KIZ: variants seen among roughly 807,000 people sequenced by gnomAD.
KIZ encodes the protein centrosomal protein kizuna.
In KIZ, 68 loss-of-function variants were observed where a neutral mutation model predicts 79.6. That is an observed-to-expected ratio of 0.85 (90% CI 0.70 to 1.05). The LOEUF (loss-of-function observed/expected upper bound fraction) is 1.05, where lower values mean the gene tolerates loss of function less well. Among genes scored for constraint, KIZ ranks in the 50% least tolerant of loss-of-function variants. The probability of loss-of-function intolerance (pLI) is 0.00; values close to 1 mark genes in which losing one functional copy is unlikely to be tolerated. For synonymous variants in KIZ, 280 were observed against 281.8 expected (o/e 0.99, Z 0.06); for missense variants, 797 against 800.4 (o/e 1.00, Z 0.05).
In KIZ at chr20:21,162,369, G is replaced by C. The variant is rs772949553; in HGVS notation, c.904G>C (p.Glu302Gln). Residue 302 changes from glutamate to glutamine, a missense_variant, in exon 5 of 13, where the codon GAA becomes CAA. By Grantham distance (29) the Glu-to-Gln change is conservative. Coordinates refer to ENST00000619189, the MANE Select transcript of KIZ (RefSeq NM_018474.6). ...KCDSSSGSEG[E>Q]ILTREHIEVE... is the part of the protein sequence containing the mutation. Reference sequence around the variant, plus strand: ...TGACAGTTCCAGCGGATCAGAGGGAGAAATACTGACACGGGAACATATTGA... The same window carrying C: ...TGACAGTTCCAGCGGATCAGAGGGACAAATACTGACACGGGAACATATTGA... The C allele has an allele frequency of 6.2e-7, 1 of 1,613,944 alleles. No homozygotes were observed.
intron 8 of KIZ, 100 bp from the exon 9 acceptor site, chr20:21,215,483 C>CAAAAAAA: frequency 2.1e-6 from 1 of 475,938 alleles, no homozygotes; most frequent in African/African-American, 2.1e-5. Context: ...ATACATTAAC[C>CAAAAAAA]AAAAAAAAAA....
rs1386705427 is a variant in KIZ at position 21,136,423 on chromosome 20, T to C, written c.186T>C (p.Tyr62=). 5 of 1,557,884 alleles carry C rather than the reference T, an allele frequency of 3.2e-6. No individual in the cohort carries two copies. The highest frequency in any genetic ancestry group is 1.9e-5 in the Admixed American group (1 of 53,392). The change falls in exon 3 of 13, where the codon TAT becomes TAC. Residue 62 remains tyrosine (Y), a synonymous_variant. Transcript: ENST00000619189. ...TGAAATATGTAAAACTAAAGAATTA[T>C]CTGAAGGAAATATGTGAATCTGAAA... The part of the protein sequence containing the change: ...VKLKYVKLKN[Y]LKEICESEKK...
intron 9 of KIZ, chr20:21,218,173 G>GTT (rs906103169): frequency 1.3e-4 from 20 of 152,192 alleles, no homozygotes; most frequent in African/African-American, 4.3e-4. Context: ...CTCAAGAAGA[G>GTT]TTTGATGATA....
At chr20:21,205,004 G>A (rs554517889) in intron 6 of KIZ, among the ~76,000 whole-genome samples, 18 of 152,254 alleles carry the variant, frequency 1.2e-4, no homozygotes, top group East Asian at 1.9e-4. Context: ...CAGACCAGGC[G>A]TGGTGGCTCA....
chr20:21,137,040 T>C (rs951622093), intron 3 of KIZ, among the ~76,000 whole-genome samples: 1 of 152,236 alleles, frequency 6.6e-6, no homozygotes, highest in Non-Finnish European at 1.5e-5. Context: ...ATGGTATTTG[T>C]TGGCTGAATG....
Position 21,146,044 on chromosome 20 carries a change from A to G in KIZ, c.405+390A>G, listed in dbSNP as rs58769262. On this transcript the variant is annotated intron_variant, in intron 4 of 12. Coordinates refer to ENST00000619189, the MANE Select transcript of KIZ (RefSeq NM_018474.6). ...ATTTTGTACATTTTAACCTTTGCAC[A>G]GAAAACGTGGAAAGAAAAGATTGCA... is the stretch of plus-strand genomic sequence containing the variant. Among the ~76,000 whole-genome samples, 947 of 152,346 alleles carry G rather than the reference A, an allele frequency of 6.2e-3. 4 individuals are homozygous for G. The highest frequency in any genetic ancestry group is 0.019 in the African/African-American group (784 of 41,570).
intron 9 of KIZ, among the ~76,000 whole-genome samples, chr20:21,217,728 T>G (rs186794038): frequency 6.6e-6 from 1 of 152,240 alleles, no homozygotes; most frequent in African/African-American, 2.4e-5. Context: ...TTTGTGAAAG[T>G]GCCAAGCAGA....
chr20:21,186,111 T>G (rs2034867605), intron 6 of KIZ, among the ~76,000 whole-genome samples: 1 of 152,162 alleles, frequency 6.6e-6, no homozygotes, highest in African/African-American at 2.4e-5. Context: ...ATTGTGTACA[T>G]ATATTTATTG....
At chr20:21,200,757 G>A (rs2035564367) in intron 6 of KIZ, among the ~76,000 whole-genome samples, 1 of 152,132 alleles carries the variant, frequency 6.6e-6, no homozygotes, top group South Asian at 2.1e-4. Context: ...CCTTGGCCCA[G>A]GCATTGGGAC....
intron 1 of KIZ, among the ~76,000 whole-genome samples, chr20:21,128,615 A>G (rs1429211826): frequency 1.3e-5 from 2 of 152,234 alleles, no homozygotes; most frequent in Non-Finnish European, 2.9e-5. Context: ...ATGTGTGTAC[A>G]GTGTTTTTTC....
chr20:21,203,472 G>A (rs1263075435), intron 6 of KIZ, among the ~76,000 whole-genome samples: 2 of 152,184 alleles, frequency 1.3e-5, no homozygotes, highest in Non-Finnish European at 2.9e-5. Context: ...AGACCGATCT[G>A]TGGGTTCAAA....
At chr20:21,141,038 A>T (rs6047269) in intron 3 of KIZ, among the ~76,000 whole-genome samples, 88,245 of 151,800 alleles carry the variant, frequency 0.58, 27,296 homozygotes, top group South Asian at 0.78. Context: ...AAAGTAAATT[A>T]AAAAAACCCA....
intron 7 of KIZ, among the ~76,000 whole-genome samples, chr20:21,209,534 C>A (rs2035976664): frequency 2.1e-5 from 2 of 95,210 alleles, no homozygotes; most frequent in South Asian, 5.5e-4. Context: ...TTGTTCTTAT[C>A]TCCTGAATAC....
intron 4 of KIZ, chr20:21,151,887 T>G (rs1033999948): frequency 2.0e-5 from 3 of 152,212 alleles, no homozygotes; most frequent in African/African-American, 7.2e-5. Context: ...TGCAACATTA[T>G]TTGTAGCAGC....
intron 3 of KIZ, among the ~76,000 whole-genome samples, chr20:21,140,042 C>T (rs1040677978): frequency 6.6e-6 from 1 of 152,184 alleles, no homozygotes; most frequent in Non-Finnish European, 1.5e-5. Context: ...TCAGCGACCC[C>T]TCCAGTGATC....
intron 4 of KIZ, chr20:21,148,796 TAGA>T (rs2032974825): frequency 6.6e-6 from 1 of 152,138 alleles, no homozygotes; most frequent in East Asian, 1.9e-4. Flanking sequence ...CTACTAGAAA[TAGA>T]AGCAAACTGA....
At chr20:21,190,335 G>A (rs541909239) in intron 6 of KIZ, among the ~76,000 whole-genome samples, 155 of 152,302 alleles carry the variant, frequency 1.0e-3, no homozygotes, top group African/African-American at 3.7e-3. Flanking sequence ...CTAGCAGCCC[G>A]GAATTCAGTT....
chr20:21,215,575 A>AT lies in KIZ; in HGVS notation c.1613-3dup. 1.3e-6 allele frequency: 2 copies of AT among 1,573,882 alleles called. No homozygotes were observed. Among genetic ancestry groups the AT allele is most frequent in the Non-Finnish European group, 1.7e-6 (2 of 1,149,228 alleles). On this transcript the variant is annotated splice_region_variant and splice_polypyrimidine_tract_variant and intron_variant, in intron 8 of 12. Transcript: ENST00000619189. ...ATACTTTTTTTTTATTATGCATTCAATTTTTAGAAGTTTCAAGTGGCTGTG... is the reference window on the plus strand; with the variant it reads ...ATACTTTTTTTTTATTATGCATTCAATTTTTTAGAAGTTTCAAGTGGCTGTG...
chr20:21,163,844 G>T (rs892479044), intron 6 of KIZ, among the ~76,000 whole-genome samples: 1 of 152,210 alleles, frequency 6.6e-6, no homozygotes, highest in Non-Finnish European at 1.5e-5. Context: ...GAAAGTTCTT[G>T]TGTATCTACT....
Sources: gnomAD v4.1 joint callset for allele counts (sites outside exome capture counted in the v4.1 genomes callset) on GRCh38, gnomAD v4.1.1 for gene constraint, MANE v1.5 for transcripts, NCBI Gene and HGNC (gene_info 2026-07-23, HGNC 2026-07-21) for gene names.